The following LRSAM1 variants were observed in gnomAD, a reference collection of about 807,000 sequenced individuals.
LRSAM1 encodes E3 ubiquitin-protein ligase LRSAM1.
In LRSAM1, 96 loss-of-function variants were observed where a neutral mutation model predicts 118.1. The observed-to-expected ratio is 0.81, with a 90% confidence interval of 0.69 to 0.96. LRSAM1 has a LOEUF of 0.96. Among genes scored for constraint, LRSAM1 ranks in the 40% least tolerant of loss-of-function variants. The probability of loss-of-function intolerance (pLI) is 0.00; values close to 1 mark genes in which losing one functional copy is unlikely to be tolerated. For synonymous variants in LRSAM1, 322 were observed against 364.2 expected (o/e 0.88, Z 1.32); for missense variants, 804 against 915.5 (o/e 0.88, Z 1.57).
chr9:127,459,007 T>C lies in LRSAM1; in HGVS notation c.257T>C (p.Leu86Pro), dbSNP rs777559757. 6.2e-7 allele frequency: 1 copy of C among 1,613,700 alleles called. No homozygotes were observed. The highest frequency in any genetic ancestry group is 8.5e-7 in the Non-Finnish European group (1 of 1,179,988). ...ACAGGGGTCTTTCTTCTGCAGGTTC[T>C]AGATCTCCACGATAATCAGCTGACA... ...SLLSLATIKV[L>P]DLHDNQLTAL... Residue 86 changes from leucine to proline, a missense_variant, in exon 7 of 26, where the codon CTA becomes CCA. Transcript: ENST00000300417.
chr9:127,470,144 T>C (rs7859116), intron 10 of LRSAM1, among the ~76,000 whole-genome samples: 7,262 of 152,130 alleles, frequency 0.048, 607 homozygotes, highest in African/African-American at 0.16. Context: ...ATGAGTTCCA[T>C]TCCTAGGTAC....
At chr9:127,452,138 A>C (rs1429251113) in intron 2 of LRSAM1, 54 bp downstream of exon 2, 1 of 152,206 alleles carries the variant, frequency 6.6e-6, no homozygotes, top group South Asian at 2.1e-4. Context: ...CTCCCCCCGC[A>C]TCTAGGCTGG....
At chr9:127,484,025 C>T (rs1019497213) in intron 16 of LRSAM1, among the ~76,000 whole-genome samples, 2 of 152,136 alleles carry the variant, frequency 1.3e-5, no homozygotes, top group Non-Finnish European at 2.9e-5. Context: ...CCATCCATCG[C>T]CAGAACTTTT....
chr9:127,488,334 T>C (rs1428738962), intron 18 of LRSAM1, among the ~76,000 whole-genome samples: 1 of 152,162 alleles, frequency 6.6e-6, no homozygotes, highest in Non-Finnish European at 1.5e-5. Flanking sequence ...CGATCTCGGC[T>C]CACTGCAACC....
chr9:127,460,572 G>A (rs1834697433), intron 7 of LRSAM1, among the ~76,000 whole-genome samples: 1 of 152,252 alleles, frequency 6.6e-6, no homozygotes, highest in Non-Finnish European at 1.5e-5. Flanking sequence ...CAGTTACTGA[G>A]CATTTTGTGG....
intron 11 of LRSAM1, 88 bp downstream of exon 11, chr9:127,474,019 C>G: frequency 6.3e-7 from 1 of 1,584,782 alleles, no homozygotes; most frequent in Admixed American, 1.8e-5. Context: ...TGGAAGGGGG[C>G]GGTGGTTCAG....
chr9:127,496,198 C>G, intron 23 of LRSAM1, 103 bp downstream of exon 23: 1 of 1,513,596 alleles, frequency 6.6e-7, no homozygotes, highest in Non-Finnish European at 8.9e-7. Flanking sequence ...TGAGGCCTGT[C>G]CTTACCTAAT....
chr9:127,454,917 C>A, intron 3 of LRSAM1, 81 bp from the exon 4 acceptor site: 1 of 1,354,864 alleles, frequency 7.4e-7, no homozygotes, highest in Non-Finnish European at 1.1e-6. Context: ...CAGCTGCTTA[C>A]ATTTATGTTC....
intron 23 of LRSAM1, among the ~76,000 whole-genome samples, chr9:127,496,612 C>T (rs886475230): frequency 6.6e-6 from 1 of 152,198 alleles, no homozygotes; most frequent in African/African-American, 2.4e-5. Flanking sequence ...CCCGACAGCC[C>T]AGCAGGGTAC....
intron 22 of LRSAM1, among the ~76,000 whole-genome samples, chr9:127,495,736 G>C (rs1216621304): frequency 6.6e-6 from 1 of 152,220 alleles, no homozygotes; most frequent in Non-Finnish European, 1.5e-5. Context: ...CCCCCTCTTG[G>C]TGGATGTTCA....
Position 127,451,557 on chromosome 9 carries a change from G to A in LRSAM1, c.-301G>A. On this transcript the variant is annotated 5_prime_UTR_variant, in exon 1 of 26. Coordinates refer to ENST00000300417, the MANE Select transcript of LRSAM1 (RefSeq NM_001005373.4). ...TGACGGCTGGCAAGCAGGGCACCGC[G>A]GTGCGCTGAAGCTAGAGATTCCGAA... 1 of 574,986 alleles carries A rather than the reference G, an allele frequency of 1.7e-6. No homozygotes were observed. The highest frequency in any genetic ancestry group is 3.1e-6 in the Non-Finnish European group (1 of 320,632). 35.6% of individuals were successfully genotyped at this position (574,986 alleles called of 1,614,324 possible). A position where few individuals can be genotyped will look rare whatever the true frequency, so the allele number is the denominator to read the frequency against.
intron 6 of LRSAM1, 99 bp from the exon 7 acceptor site, chr9:127,458,904 T>TG (rs1296228580): frequency 1.8e-6 from 2 of 1,108,824 alleles, no homozygotes; most frequent in Middle Eastern, 1.9e-4. Context: ...GTTTCTGCAC[T>TG]GGGGGTGTGA....
rs1033385516 is a variant in LRSAM1, at chr9:127,489,655, T to C, written c.1422+137T>C. On this transcript the variant is annotated intron_variant, in intron 19 of 25. Coordinates refer to ENST00000300417, the MANE Select transcript of LRSAM1 (RefSeq NM_001005373.4). ...CTAGCCCAACAAGAGGTCGAGGCCT[T>C]GCCCTCAGAACCTCCCTTTGCTCCC... 4 of 959,660 alleles carry C rather than the reference T, an allele frequency of 4.2e-6. No individual in the cohort carries two copies. In the African/African-American group the frequency reaches 6.5e-5, roughly 16 times the overall value. 59.4% of individuals were successfully genotyped at this position (959,660 alleles called of 1,614,324 possible).
rs919454589 is a variant in LRSAM1 at position 127,454,513 on chromosome 9, T to A, written c.-15T>A. On this transcript the variant is annotated 5_prime_UTR_variant, in exon 3 of 26. Coordinates refer to ENST00000300417, the MANE Select transcript of LRSAM1 (RefSeq NM_001005373.4). ...TGCCCCAGGGTCCTAAAGATCGCTC[T>A]GGGAAAAGGGAAGGATGCCGCTCTT... 2 of 1,614,094 alleles carry A rather than the reference T, an allele frequency of 1.2e-6. No homozygotes were observed. Among genetic ancestry groups the A allele is most frequent in the South Asian group, 2.2e-5 (2 of 91,062 alleles).
At chr9:127,460,792 G>A (rs990755646) in intron 7 of LRSAM1, among the ~76,000 whole-genome samples, 9 of 151,896 alleles carry the variant, frequency 5.9e-5, no homozygotes, top group Non-Finnish European at 1.3e-4. Flanking sequence ...AGGGGTGCGG[G>A]GGTCATCACT....
Position 127,467,887 on chromosome 9 carries a change from C to A in LRSAM1, c.619+57C>A. On this transcript the variant is annotated intron_variant, in intron 10 of 25. Transcript: ENST00000300417. ...TGAGGAACTATGACCCCCATGGCCA[C>A]CCTGTGCCAGCCCAGGCTGGGGAAC... 3 of 1,502,478 alleles carry A rather than the reference C, an allele frequency of 2.0e-6. No homozygotes were observed. The Admixed American group carries it at 5.9e-5, about 29-fold the overall frequency. 93.1% of individuals were successfully genotyped at this position (1,502,478 alleles called of 1,614,324 possible). A position where few individuals can be genotyped will look rare whatever the true frequency, so the allele number is the denominator to read the frequency against.
intron 11 of LRSAM1, 73 bp from the exon 12 acceptor site, chr9:127,478,861 G>T (rs1054138131): frequency 6.7e-7 from 1 of 1,491,630 alleles, no homozygotes; most frequent in Non-Finnish European, 9.4e-7. Context: ...GCCACCCGGG[G>T]GTTCCTGGTG....
chr9:127,453,282 A>G (rs773338197), intron 2 of LRSAM1, among the ~76,000 whole-genome samples: 30 of 152,226 alleles, frequency 2.0e-4, no homozygotes, highest in Middle Eastern at 3.4e-3. Flanking sequence ...GGGTTTGACC[A>G]TGTTACCCAG....
Position 127,492,883 on chromosome 9 carries a change from C to G in LRSAM1, c.1585C>G (p.Leu529Val). Residue 529 changes from leucine to valine, a missense_variant, in exon 21 of 26, where the codon CTC (leucine) becomes GTC (valine). Physicochemically the swap from Leu to Val is conservative, Grantham distance 32. Transcript: ENST00000300417. ...AGAGAAGCAGCAGCGAGAGGAAGAG[C>G]TCCGGGAAATCCTGGTATGTGTTTG... ...LKEKQQREEE[L>V]REILTELEAK... is the part of the protein sequence containing the mutation. 6.2e-7 allele frequency: 1 copy of G among 1,614,024 alleles called. No homozygotes were observed. Among genetic ancestry groups the G allele is most frequent in the South Asian group, 1.1e-5 (1 of 91,074 alleles).
Sources: allele counts gnomAD v4.1 joint callset (sites outside exome capture counted in the v4.1 genomes callset), GRCh38; gene constraint gnomAD v4.1.1; transcripts MANE v1.5; gene names NCBI Gene and HGNC (gene_info 2026-07-23, HGNC 2026-07-21).